IL1R1: variants seen among roughly 807,000 people sequenced by gnomAD.
IL1R1 encodes the protein interleukin 1 receptor type 1, also known as interleukin-1 receptor type 1.
In IL1R1, 22 loss-of-function variants were observed where a neutral mutation model predicts 50.2. The observed-to-expected ratio is 0.44, with a 90% confidence interval of 0.31 to 0.63. The LOEUF is 0.63. IL1R1 is among the 20% of genes least tolerant of loss of function. IL1R1 has a pLI of 0.07. For missense variants in IL1R1, 509 were observed against 676.2 expected (o/e 0.75, Z 2.74); for synonymous variants, 251 against 236.7 (o/e 1.06, Z -0.55).
At chr2:102,118,159 C>A (rs1317856846) in intron 1 of IL1R1, among the ~76,000 whole-genome samples, 1 of 151,960 alleles carries the variant, frequency 6.6e-6, no homozygotes, top group Admixed American at 6.6e-5. Context: ...TCAGTCCTAC[C>A]CCCATCCTCT....
chr2:102,073,066 G>C (rs1160776489), intron 1 of IL1R1, among the ~76,000 whole-genome samples: 2 of 152,100 alleles, frequency 1.3e-5, no homozygotes, highest in Admixed American at 6.5e-5. Flanking sequence ...ATTTAATCCA[G>C]GCATTATGTA....
upstream of IL1R1, among the ~76,000 whole-genome samples, chr2:102,141,085 T>C (rs1400103103): frequency 1.3e-5 from 2 of 152,254 alleles, no homozygotes; most frequent in African/African-American, 4.8e-5. Flanking sequence ...TTCACCATCA[T>C]AGTGCTTCTG....
rs1018619102 is a variant in IL1R1, at chr2:102,178,748, A to G, written c.*1989A>G. 1 of 152,318 alleles carries G rather than the reference A, an allele frequency of 6.6e-6. No homozygotes were observed. Among genetic ancestry groups the G allele is most frequent in the Admixed American group, 6.5e-5 (1 of 15,276 alleles). 9.4% of individuals were successfully genotyped at this position (152,318 alleles called of 1,614,324 possible). On this transcript the variant is annotated 3_prime_UTR_variant, in exon 12 of 12. Transcript: ENST00000410023. ...ATGAAAAACTCTTCTACTTTCATCTATTCTTTCCCTAGAGGCAAACATTTC... is the reference window on the plus strand; with the variant it reads ...ATGAAAAACTCTTCTACTTTCATCTGTTCTTTCCCTAGAGGCAAACATTTC...
intron 7 of IL1R1, among the ~76,000 whole-genome samples, chr2:102,169,941 C>T (rs1338265179): frequency 6.6e-6 from 1 of 152,284 alleles, no homozygotes; most frequent in Admixed American, 6.5e-5. Flanking sequence ...TGGAGTACCA[C>T]AAACCATGTA....
intron 1 of IL1R1, among the ~76,000 whole-genome samples, chr2:102,085,942 A>G (rs1352675573): frequency 1.3e-5 from 2 of 150,454 alleles, no homozygotes; most frequent in South Asian, 2.1e-4. Flanking sequence ...TATTTTCAGA[A>G]GAATCACTGT....
chr2:102,085,595 C>T (rs1679398273), intron 1 of IL1R1, among the ~76,000 whole-genome samples: 1 of 151,836 alleles, frequency 6.6e-6, no homozygotes, highest in Non-Finnish European at 1.5e-5. Context: ...TAAATTTTCA[C>T]TGAAATGCTG....
chr2:102,149,033 A>G (rs916194189), intron 1 of IL1R1, among the ~76,000 whole-genome samples: 9 of 152,190 alleles, frequency 5.9e-5, no homozygotes, highest in African/African-American at 2.2e-4. Flanking sequence ...ACTGTAACAC[A>G]TTCCCCGTAC....
chr2:102,110,632 T>C (rs931398616), intron 1 of IL1R1, among the ~76,000 whole-genome samples: 10 of 151,386 alleles, frequency 6.6e-5, no homozygotes, highest in African/African-American at 1.2e-4. Context: ...TCAGCCCCAC[T>C]GTGGTCTCTC....
intron 3 of IL1R1, among the ~76,000 whole-genome samples, chr2:102,159,643 A>G (rs1026458238): frequency 6.6e-6 from 1 of 152,134 alleles, no homozygotes; most frequent in African/African-American, 2.4e-5. Flanking sequence ...CGCCTTGGGG[A>G]TAGTGCTTTT....
chr2:102,164,554 A>T (rs1685005528), intron 3 of IL1R1, among the ~76,000 whole-genome samples: 1 of 152,168 alleles, frequency 6.6e-6, no homozygotes, highest in Non-Finnish European at 1.5e-5. Context: ...GATGTTAAAT[A>T]ACTTGCCAGG....
chr2:102,128,686 C>T (rs1681860310), intron 1 of IL1R1, among the ~76,000 whole-genome samples: 1 of 152,212 alleles, frequency 6.6e-6, no homozygotes, highest in Non-Finnish European at 1.5e-5. Flanking sequence ...TGCACTTCCT[C>T]TAGTTCTAAA....
chr2:102,103,273 C>A (rs189095146), upstream of IL1R1, among the ~76,000 whole-genome samples: 1 of 152,094 alleles, frequency 6.6e-6, no homozygotes, highest in Non-Finnish European at 1.5e-5. Context: ...GGTTCAGAGT[C>A]GGGAAAATCA....
chr2:102,112,049 A>G (rs1256047576), intron 1 of IL1R1, among the ~76,000 whole-genome samples: 2 of 151,952 alleles, frequency 1.3e-5, no homozygotes, highest in African/African-American at 4.8e-5. Context: ...TCTATTATGC[A>G]TCGTCTTTCA....
chr2:102,072,209 G>A (rs375364498), intron 1 of IL1R1, among the ~76,000 whole-genome samples: 6 of 150,764 alleles, frequency 4.0e-5, no homozygotes, highest in East Asian at 1.9e-4. Context: ...GCAGTGAGCC[G>A]AGATTGTGCC....
At chr2:102,147,033 C>T (rs1420056046) in intron 1 of IL1R1, among the ~76,000 whole-genome samples, 1 of 152,208 alleles carries the variant, frequency 6.6e-6, no homozygotes, top group Non-Finnish European at 1.5e-5. Flanking sequence ...ATGTCTAAGC[C>T]AGCCATCAGG....
At chr2:102,125,124 C>T (rs1681632274) in intron 1 of IL1R1, among the ~76,000 whole-genome samples, 1 of 152,192 alleles carries the variant, frequency 6.6e-6, no homozygotes, top group South Asian at 2.1e-4. Context: ...GGGAACCTCT[C>T]ATGGTGGCTC....
At chr2:102,080,091 G>A (rs756039530) in intron 1 of IL1R1, among the ~76,000 whole-genome samples, 8 of 152,022 alleles carry the variant, frequency 5.3e-5, no homozygotes, top group Non-Finnish European at 1.0e-4. Context: ...TACTCAAAAA[G>A]CAATCATAGA....
intron 6 of IL1R1, among the ~76,000 whole-genome samples, chr2:102,166,835 C>T (rs556514031): frequency 6.6e-6 from 1 of 152,220 alleles, no homozygotes; most frequent in South Asian, 2.1e-4. Context: ...AACTTGTGTA[C>T]CTGGTGCAAA....
intron 1 of IL1R1, among the ~76,000 whole-genome samples, chr2:102,134,001 A>G (rs1001835441): frequency 1.4e-4 from 22 of 152,240 alleles, no homozygotes; most frequent in African/African-American, 4.6e-4. Flanking sequence ...AGGAAACACT[A>G]TGGAATCTAT....
Sources: gnomAD v4.1 joint callset for allele counts (sites outside exome capture counted in the v4.1 genomes callset) on GRCh38, gnomAD v4.1.1 for gene constraint, MANE v1.5 for transcripts, NCBI Gene and HGNC (gene_info 2026-07-23, HGNC 2026-07-21) for gene names.